ST6GALNAC5: variants seen among roughly 807,000 people sequenced by gnomAD.
ST6GALNAC5 encodes alpha-N-acetylgalactosaminide alpha-2,6-sialyltransferase 5.
Under a neutral mutation model 33.6 loss-of-function variants are expected in ST6GALNAC5, and 27 were observed. That is an observed-to-expected ratio of 0.80 (90% CI 0.59 to 1.11). ST6GALNAC5 has a LOEUF of 1.11. Ranked by LOEUF, ST6GALNAC5 falls within the 50% of genes least tolerant of loss-of-function variation. The pLI is 0.00. For missense variants in ST6GALNAC5, 428 were observed against 454.0 expected (o/e 0.94, Z 0.52); for synonymous variants, 194 against 171.2 (o/e 1.13, Z -1.04).
chr1:76,887,146 A>G (rs1333465716), intron 2 of ST6GALNAC5, among the ~76,000 whole-genome samples: 2 of 152,178 alleles, frequency 1.3e-5, no homozygotes, highest in Admixed American at 6.5e-5. Context: ...CTCCACACAC[A>G]AAAGTAAAAT....
intron 4 of ST6GALNAC5, 123 bp downstream of exon 4, chr1:77,050,488 C>T: frequency 1.2e-6 from 1 of 800,038 alleles, no homozygotes; most frequent in Non-Finnish European, 2.0e-6. Context: ...ATTAGCATGT[C>T]CCAAGTTCTC....
intron 2 of ST6GALNAC5, among the ~76,000 whole-genome samples, chr1:76,978,032 T>A (rs76768233): frequency 6.6e-6 from 1 of 152,176 alleles, no homozygotes; most frequent in Admixed American, 6.5e-5. Context: ...TAGGGTGAGG[T>A]AATAGCTCAT....
chr1:77,061,065 C>T (rs1244002345), intron 4 of ST6GALNAC5, among the ~76,000 whole-genome samples: 1 of 152,060 alleles, frequency 6.6e-6, no homozygotes, highest in Non-Finnish European at 1.5e-5. Context: ...GTTAAAAACA[C>T]CTTCTATTAA....
chr1:77,050,285 T>G lies in ST6GALNAC5; in HGVS notation c.699T>G (p.Thr233=). ...DRKISNTWLS[T]GWFTMTIALE... ...AGATATCCAACACTTGGCTCAGCAC[T>G]GGCTGGTTTACAATGACAATTGCAC... is the stretch of plus-strand genomic sequence containing the variant. Residue 233 remains threonine, a synonymous_variant, in exon 4 of 5, where the codon ACT becomes ACG. Coordinates refer to ENST00000477717, the MANE Select transcript of ST6GALNAC5 (RefSeq NM_030965.3). 6.2e-7 allele frequency: 1 copy of G among 1,614,120 alleles called. No homozygotes were observed. The highest frequency in any genetic ancestry group is 8.5e-7 in the Non-Finnish European group (1 of 1,179,938).
intron 2 of ST6GALNAC5, among the ~76,000 whole-genome samples, chr1:76,934,401 C>T (rs1053464534): frequency 6.6e-6 from 1 of 152,068 alleles, no homozygotes; most frequent in Non-Finnish European, 1.5e-5. Context: ...ACTGTGACAG[C>T]TCTCTCCTAT....
chr1:76,973,091 G>A (rs1244899905), intron 2 of ST6GALNAC5, among the ~76,000 whole-genome samples: 1 of 151,926 alleles, frequency 6.6e-6, no homozygotes. Context: ...ATTTTTTGAT[G>A]GGTAGGGTTT....
chr1:76,946,784 T>C (rs920799687), intron 2 of ST6GALNAC5, among the ~76,000 whole-genome samples: 5 of 152,180 alleles, frequency 3.3e-5, no homozygotes, highest in African/African-American at 1.2e-4. Flanking sequence ...TCTGTGAATA[T>C]AAGGATAAAC....
intron 2 of ST6GALNAC5, among the ~76,000 whole-genome samples, chr1:76,882,173 T>A (rs1213170495): frequency 6.6e-6 from 1 of 152,200 alleles, no homozygotes; most frequent in Non-Finnish European, 1.5e-5. Context: ...CCACCAACTT[T>A]GCAAATGGGT....
chr1:76,991,770 T>C (rs1339322909), intron 2 of ST6GALNAC5, among the ~76,000 whole-genome samples: 1 of 152,072 alleles, frequency 6.6e-6, no homozygotes, highest in African/African-American at 2.4e-5. Flanking sequence ...ATAGACATCT[T>C]AAATCATGTT....
chr1:77,009,123 C>T (rs1290926603), intron 2 of ST6GALNAC5, among the ~76,000 whole-genome samples: 1 of 152,200 alleles, frequency 6.6e-6, no homozygotes, highest in Non-Finnish European at 1.5e-5. Flanking sequence ...AAAACTAGCA[C>T]TTCACACACT....
chr1:76,968,684 T>C (rs1648607871), intron 2 of ST6GALNAC5, among the ~76,000 whole-genome samples: 1 of 152,212 alleles, frequency 6.6e-6, no homozygotes, highest in Non-Finnish European at 1.5e-5. Context: ...ATTGATGGCC[T>C]TTACAATTTG....
chr1:77,010,912 A>G (rs1650611052), intron 2 of ST6GALNAC5, among the ~76,000 whole-genome samples: 1 of 152,228 alleles, frequency 6.6e-6, no homozygotes. Flanking sequence ...AGCTGCTTCT[A>G]TCTTCCCAGA....
At chr1:77,013,047 T>C (rs574300798) in intron 2 of ST6GALNAC5, among the ~76,000 whole-genome samples, 2 of 152,270 alleles carry the variant, frequency 1.3e-5, no homozygotes, top group South Asian at 2.1e-4. Context: ...CAGGCTGATA[T>C]GCAAAGACCT....
At chr1:76,999,744 G>T (rs1313814865) in intron 2 of ST6GALNAC5, among the ~76,000 whole-genome samples, 3 of 145,272 alleles carry the variant, frequency 2.1e-5, no homozygotes, top group African/African-American at 7.5e-5. Flanking sequence ...TGCAGTGTTT[G>T]GTTTTTTGTT....
At chr1:77,059,661 C>T (rs1652511536) in intron 4 of ST6GALNAC5, among the ~76,000 whole-genome samples, 1 of 152,120 alleles carries the variant, frequency 6.6e-6, no homozygotes, top group African/African-American at 2.4e-5. Context: ...GGGAGAGATA[C>T]TTTCAGGTTA....
At chr1:76,873,266 TTAAC>T (rs1311794817) in intron 2 of ST6GALNAC5, among the ~76,000 whole-genome samples, 1 of 152,222 alleles carries the variant, frequency 6.6e-6, no homozygotes, top group Non-Finnish European at 1.5e-5. Flanking sequence ...ACCACATTCT[TTAAC>T]TAGCCCCTCC....
chr1:76,922,043 G>A (rs1647039459), intron 2 of ST6GALNAC5, among the ~76,000 whole-genome samples: 1 of 152,126 alleles, frequency 6.6e-6, no homozygotes, highest in South Asian at 2.1e-4. Context: ...AAAAGCATAT[G>A]TATTGTAAAG....
chr1:76,935,888 T>C (rs555260751), intron 2 of ST6GALNAC5, among the ~76,000 whole-genome samples: 1 of 152,016 alleles, frequency 6.6e-6, no homozygotes, highest in Non-Finnish European at 1.5e-5. Context: ...TCTACTTCCA[T>C]GAGCTTACAC....
chr1:76,926,068 G>A (rs1647082606), intron 2 of ST6GALNAC5, among the ~76,000 whole-genome samples: 1 of 152,138 alleles, frequency 6.6e-6, no homozygotes, highest in African/African-American at 2.4e-5. Flanking sequence ...CTGAGCAAAT[G>A]GATCTGCCTC....
Sources: allele counts gnomAD v4.1 joint callset (sites outside exome capture counted in the v4.1 genomes callset), GRCh38; gene constraint gnomAD v4.1.1; transcripts MANE v1.5; gene names NCBI Gene and HGNC (gene_info 2026-07-23, HGNC 2026-07-21).